BCL11B: variants seen among roughly 807,000 people sequenced by gnomAD.
BCL11B encodes the protein BCL11 transcription factor B, also known as B-cell lymphoma/leukemia 11B.
BCL11B carries 8 observed loss-of-function variants against 49.9 expected under a neutral mutation model. The observed-to-expected ratio is 0.16, with a 90% CI of 0.09 to 0.29. The LOEUF is 0.29. BCL11B is among the 10% of genes least tolerant of loss of function. The pLI is 1.00. For missense variants in BCL11B, 1,006 were observed against 1,351.0 expected, an observed-to-expected ratio of 0.74 and a Z score of 4.00; for synonymous variants, 739 against 637.4, an observed-to-expected ratio of 1.16 and a Z score of -2.40.
intron 3 of BCL11B, among the ~76,000 whole-genome samples, chr14:99,176,579 G>A (rs1355897265): frequency 6.6e-6 from 1 of 152,226 alleles, no homozygotes; most frequent in African/African-American, 2.4e-5. Context: ...TAACAGCCCT[G>A]GCAAATCCCA....
In BCL11B at chr14:99,257,491, G is replaced by A. The variant is rs1483630067; in HGVS notation, c.407C>T (p.Pro136Leu). 1.2e-6 allele frequency: 2 copies of A among 1,607,648 alleles called. No individual in the cohort carries two copies. Among genetic ancestry groups the A allele is most frequent in the Non-Finnish European group, 1.7e-6 (2 of 1,175,808 alleles). ...CATACCTGCAATGTTCTCCTGCTTG[G>A]GACAGATGCCTTTCGTGGGTGAGAG... The part of the protein sequence containing the change: ...HLLSPTKGIC[P>L]KQENIAGPCR... The change falls in exon 2 of 4, where the codon CCC becomes CTC. Residue 136 changes from proline (P) to leucine (L), a missense_variant. By Grantham distance (98) the Pro-to-Leu change is moderately conservative (BLOSUM62 -3). Coordinates refer to ENST00000357195, the MANE Select transcript of BCL11B (RefSeq NM_138576.4). This position sits in a 1 kb window ranked among gnomAD's most constrained non-coding sequence, Gnocchi z 6.2.
intron 3 of BCL11B, among the ~76,000 whole-genome samples, chr14:99,200,211 C>T (rs1887335369): frequency 6.6e-6 from 1 of 152,132 alleles, no homozygotes. Context: ...CTGCAGGGGT[C>T]CGCAGCCGAG....
intron 2 of BCL11B, among the ~76,000 whole-genome samples, chr14:99,255,405 GAAAAAAA>G (rs67440207): frequency 6.3e-4 from 41 of 65,168 alleles, no homozygotes; most frequent in African/African-American, 2.3e-3. Flanking sequence ...TCACAACCTG[GAAAAAAA>G]AAAAAAAAAA....
intron 2 of BCL11B, among the ~76,000 whole-genome samples, chr14:99,255,410 A>G (rs1889130485): frequency 2.4e-5 from 2 of 81,896 alleles, no homozygotes; most frequent in East Asian, 2.5e-4. Flanking sequence ...ACCTGGAAAA[A>G]AAAAAAAAAA....
chr14:99,170,847 C>G lies in BCL11B; in HGVS notation c.*3304G>C, dbSNP rs1474557591. ...AGCAGGTCACTTCACCTGGACCCAG[C>G]TGAATCACCAGCTCCTTTTATGATA... On this transcript the variant is annotated 3_prime_UTR_variant, in exon 4 of 4. Coordinates refer to ENST00000357195, the MANE Select transcript of BCL11B (RefSeq NM_138576.4). 1 of 232,730 alleles carries G rather than the reference C, an allele frequency of 4.3e-6. No homozygotes were observed. The highest frequency in any genetic ancestry group is 8.5e-6 in the Non-Finnish European group (1 of 117,650). The allele number at this position is 232,730 out of a possible 1,614,324, so 14.4% of individuals were successfully genotyped here. A position where few individuals can be genotyped will look rare whatever the true frequency, so the allele number is the denominator to read the frequency against.
chr14:99,238,044 C>T (rs1180171952), intron 2 of BCL11B, among the ~76,000 whole-genome samples: 12 of 152,116 alleles, frequency 7.9e-5, no homozygotes, highest in African/African-American at 2.2e-4. Flanking sequence ...AGAGATTCCC[C>T]ACAGGCCACC....
At chr14:99,258,597 T>C (rs947029747) in intron 1 of BCL11B, among the ~76,000 whole-genome samples, 1 of 152,022 alleles carries the variant, frequency 6.6e-6, no homozygotes, top group Admixed American at 6.5e-5. Context: ...CAAAAAAATA[T>C]CTTAGGAGAA....
In BCL11B at chr14:99,257,338, G is replaced by A. The variant is rs1004500665; in HGVS notation, c.427+133C>T. On this transcript the variant is annotated intron_variant, in intron 2 of 3. Transcript: ENST00000357195. This position sits in a 1 kb window ranked among gnomAD's most constrained non-coding sequence, Gnocchi z 6.2. ...CTGGATGGTGGACCCTCAGAAAGGG[G>A]GAGCCCCGGCTGGTGGCCCAGAGGC... 2.2e-5 allele frequency: 28 copies of A among 1,251,928 alleles called. No homozygotes were observed. Among genetic ancestry groups the A allele is most frequent in the Non-Finnish European group, 2.9e-5 (27 of 932,106 alleles). The allele number at this position is 1,251,928 out of a possible 1,614,324, so 77.6% of individuals were successfully genotyped here. A position where few individuals can be genotyped will look rare whatever the true frequency, so the allele number is the denominator to read the frequency against.
Position 99,173,980 on chromosome 14 carries a change from C to A in BCL11B, c.*171G>T. 1.6e-6 allele frequency: 1 copy of A among 626,794 alleles called. No individual in the cohort carries two copies. The highest frequency in any genetic ancestry group is 2.8e-6 in the Non-Finnish European group (1 of 360,276). The allele number at this position is 626,794 out of a possible 1,614,324, so 38.8% of individuals were successfully genotyped here. On this transcript the variant is annotated 3_prime_UTR_variant, in exon 4 of 4. Transcript: ENST00000357195. ...AATTTGTACTGCCTTAATCAACCCTCGGGTTTCCATAGGACTTCGCAGACA... is the reference window on the plus strand; with the variant it reads ...AATTTGTACTGCCTTAATCAACCCTAGGGTTTCCATAGGACTTCGCAGACA...
At position 99,213,715 on chromosome 14, in the gene BCL11B, CGT is replaced by C. The variant is rs898651275; in HGVS notation, c.640+17628_640+17629del. Among the ~76,000 whole-genome samples, 3 of 152,178 alleles carry C rather than the reference CGT, an allele frequency of 2.0e-5. No homozygotes were observed. The highest frequency in any genetic ancestry group is 7.2e-5 in the African/African-American group (3 of 41,452). On this transcript the variant is annotated intron_variant, in intron 3 of 3. Coordinates refer to ENST00000357195, the MANE Select transcript of BCL11B (RefSeq NM_138576.4). This position sits in a 1 kb window ranked among gnomAD's most constrained non-coding sequence, Gnocchi z 5.1. ...GGCATAGAGTCCAGCGTCAGCCACACGTGTCCTAGCTCAGCGCAGGGACTTGG... is the reference window on the plus strand; with the variant it reads ...GGCATAGAGTCCAGCGTCAGCCACACGTCCTAGCTCAGCGCAGGGACTTGG...
At position 99,175,817 on chromosome 14, in the gene BCL11B, T is replaced by C; in HGVS notation, c.1019A>G (p.Gln340Arg). The change falls in exon 4 of 4, where the codon CAG becomes CGG. Residue 340 changes from glutamine (Q) to arginine (R), a missense_variant. Physicochemically the swap from Gln to Arg is conservative, Grantham distance 43. Coordinates refer to ENST00000357195, the MANE Select transcript of BCL11B (RefSeq NM_138576.4). ...LSAEEMGLVA[Q>R]HPSAFDRVMR... is the part of the protein sequence containing the mutation. Reference sequence around the variant, plus strand: ...GACTCGGTCGAAGGCACTGGGGTGCTGGGCGACGAGCCCCATCTCCTCGGC... The same window carrying C: ...GACTCGGTCGAAGGCACTGGGGTGCCGGGCGACGAGCCCCATCTCCTCGGC... 3.4e-6 allele frequency: 5 copies of C among 1,473,450 alleles called. No individual in the cohort carries two copies. The highest frequency in any genetic ancestry group is 4.5e-6 in the Non-Finnish European group (5 of 1,119,814). The allele number at this position is 1,473,450 out of a possible 1,614,324, so 91.3% of individuals were successfully genotyped here.
rs12050177 is a variant in BCL11B, at chr14:99,222,587, G to T, written c.640+8758C>A. Among the ~76,000 whole-genome samples the T allele has an allele frequency of 4.5e-3, 678 of 152,312 alleles. 36 individuals are homozygous for T. The East Asian group carries it at 0.11, about 26-fold the overall frequency. On this transcript the variant is annotated intron_variant, in intron 3 of 3. Coordinates refer to ENST00000357195, the MANE Select transcript of BCL11B (RefSeq NM_138576.4). The stretch of plus-strand genomic sequence containing the variant: ...ATGAGAAAATCTCGCTCATGCTCTA[G>T]CCCTCTTCTTCAAGGTCAAAACTGC...
chr14:99,270,596 G>A (rs893082449), intron 1 of BCL11B, among the ~76,000 whole-genome samples: 13 of 151,968 alleles, frequency 8.6e-5, no homozygotes, highest in Admixed American at 4.6e-4. Context: ...TGGCGCGGCC[G>A]GCACCCTGCT....
intron 3 of BCL11B, among the ~76,000 whole-genome samples, chr14:99,199,286 C>T (rs1887272911): frequency 1.3e-5 from 2 of 152,130 alleles, no homozygotes; most frequent in South Asian, 4.1e-4. Context: ...CTCCCATGCT[C>T]CTTAATAAAT....
chr14:99,237,526 C>T (rs1029439047), intron 2 of BCL11B, among the ~76,000 whole-genome samples: 5 of 152,128 alleles, frequency 3.3e-5, no homozygotes, highest in Non-Finnish European at 7.3e-5. Context: ...TCCCCAGGCC[C>T]CACCTCCCAC....
chr14:99,253,053 A>G (rs1356274128), intron 2 of BCL11B, among the ~76,000 whole-genome samples: 2 of 152,246 alleles, frequency 1.3e-5, no homozygotes, highest in African/African-American at 2.4e-5. Context: ...CTCAGGCCCA[A>G]CCGGTGCCAG....
intron 3 of BCL11B, among the ~76,000 whole-genome samples, chr14:99,196,076 G>A (rs1261954621): frequency 6.6e-6 from 1 of 152,180 alleles, no homozygotes; most frequent in East Asian, 1.9e-4. Context: ...GCGGTCCGAG[G>A]CTTCGAGAGG....
chr14:99,240,580 A>C (rs1408039921), intron 2 of BCL11B, among the ~76,000 whole-genome samples: 2 of 152,224 alleles, frequency 1.3e-5, no homozygotes, highest in Non-Finnish European at 2.9e-5. Context: ...GATGGCATTT[A>C]ATATACATAT....
Position 99,231,673 on chromosome 14 carries a change from G to C in BCL11B, c.428-116C>G, listed in dbSNP as rs968183580. On this transcript the variant is annotated intron_variant, in intron 2 of 3. Coordinates refer to ENST00000357195, the MANE Select transcript of BCL11B (RefSeq NM_138576.4). The surrounding 1 kb of genome is among the most constrained non-coding windows in gnomAD (Gnocchi z 8.1). Reference sequence around the variant, plus strand: ...TGCTCAGGCCACCCTTCGGGGGTGGGAGGCCCCCGGGGTGCCAGGCCCTGC... The same window carrying C: ...TGCTCAGGCCACCCTTCGGGGGTGGCAGGCCCCCGGGGTGCCAGGCCCTGC... The C allele has an allele frequency of 1.8e-6, 2 of 1,110,716 alleles. No homozygotes were observed. Among genetic ancestry groups the C allele is most frequent in the African/African-American group, 3.1e-5 (2 of 63,586 alleles). The allele number at this position is 1,110,716 out of a possible 1,614,324, so 68.8% of individuals were successfully genotyped here. A position where few individuals can be genotyped will look rare whatever the true frequency, so the allele number is the denominator to read the frequency against.
Sources: allele counts gnomAD v4.1 joint callset (sites outside exome capture counted in the v4.1 genomes callset), GRCh38; gene constraint gnomAD v4.1.1; non-coding constraint Gnocchi (gnomAD v3.1); transcripts MANE v1.5; gene names NCBI Gene and HGNC (gene_info 2026-07-23, HGNC 2026-07-21).